CADM2: variants seen among roughly 807,000 people sequenced by gnomAD.
The protein encoded by CADM2 is immunoglobulin superfamily member 4D.
Under a neutral mutation model 49.8 loss-of-function variants are expected in CADM2, and 12 were observed. The observed-to-expected ratio is 0.24, with a 90% CI of 0.15 to 0.39. The LOEUF (loss-of-function observed/expected upper bound fraction) is 0.39. CADM2 is among the 10% of genes least tolerant of loss of function. The pLI, the probability that CADM2 is intolerant of heterozygous loss-of-function variation, is 1.00. For missense variants in CADM2, 378 were observed against 492.3 expected (o/e 0.77, Z 2.20); for synonymous variants, 214 against 175.4 (o/e 1.22, Z -1.74).
At chr3:85,060,571 TTTTTATACAAATCATTA>T (rs1559640222) in intron 1 of CADM2, among the ~76,000 whole-genome samples, 2 of 152,232 alleles carry the variant, frequency 1.3e-5, no homozygotes, top group African/African-American at 4.8e-5. Flanking sequence ...GCTTTAAGTA[TTTTTATACAAATCATTA>T]ATTGAAAATG....
At chr3:85,399,598 C>T (rs1174524541) in intron 1 of CADM2, among the ~76,000 whole-genome samples, 1 of 152,186 alleles carries the variant, frequency 6.6e-6, no homozygotes, top group African/African-American at 2.4e-5. Context: ...TTGATTCTTC[C>T]TATCCATGAG....
At chr3:85,165,469 A>C (rs796083360) in intron 1 of CADM2, among the ~76,000 whole-genome samples, 14 of 152,058 alleles carry the variant, frequency 9.2e-5, no homozygotes, top group African/African-American at 3.4e-4. Context: ...TCACTTAAAA[A>C]ATGTACAAGA....
chr3:85,945,304 A>G (rs569214781), intron 7 of CADM2, among the ~76,000 whole-genome samples: 1 of 152,244 alleles, frequency 6.6e-6, no homozygotes, highest in African/African-American at 2.4e-5. Context: ...CCAACAAAAA[A>G]AAGTCCCAGA....
chr3:85,195,381 A>G (rs2107733607), intron 1 of CADM2, among the ~76,000 whole-genome samples: 1 of 152,224 alleles, frequency 6.6e-6, no homozygotes, highest in Admixed American at 6.6e-5. Flanking sequence ...GTTTTAAGGA[A>G]TGCCAGAGGC....
At chr3:85,656,457 A>G (rs1293917743) in intron 1 of CADM2, among the ~76,000 whole-genome samples, 11 of 151,986 alleles carry the variant, frequency 7.2e-5, no homozygotes, top group Non-Finnish European at 1.6e-4. Context: ...TCTACTAAAT[A>G]TACAAAAGAT....
chr3:85,189,063 A>AAATG (rs952861605), intron 1 of CADM2, among the ~76,000 whole-genome samples: 2 of 27,222 alleles, frequency 7.3e-5, no homozygotes, highest in African/African-American at 1.9e-4. Context: ...TAAATAAATA[A>AAATG]AATAAATAAA....
intron 1 of CADM2, among the ~76,000 whole-genome samples, chr3:85,711,633 T>C (rs2067121968): frequency 6.6e-6 from 1 of 152,156 alleles, no homozygotes; most frequent in Non-Finnish European, 1.5e-5. Flanking sequence ...TGAAAACATC[T>C]TTCCTTCAAG....
At chr3:85,731,052 G>A (rs1020152665) in intron 2 of CADM2, among the ~76,000 whole-genome samples, 11 of 152,014 alleles carry the variant, frequency 7.2e-5, no homozygotes, top group Non-Finnish European at 1.0e-4. Context: ...ATTTCAATTT[G>A]CTGAGTTTGT....
intron 3 of CADM2, among the ~76,000 whole-genome samples, chr3:85,841,548 A>G (rs192052192): frequency 6.6e-6 from 1 of 152,110 alleles, no homozygotes; most frequent in East Asian, 1.9e-4. Flanking sequence ...CTTGTCCTGA[A>G]GTACTTGTTT....
chr3:85,649,427 A>G (rs62261676), intron 1 of CADM2, among the ~76,000 whole-genome samples: 23,977 of 152,118 alleles, frequency 0.16, 2,382 homozygotes, highest in East Asian at 0.34. Context: ...TTTTATCTTA[A>G]ATTCTGTTTC....
chr3:85,291,874 C>G (rs1390891077), intron 1 of CADM2, among the ~76,000 whole-genome samples: 1 of 150,326 alleles, frequency 6.7e-6, no homozygotes, highest in African/African-American at 2.5e-5. Flanking sequence ...GAAGAAACTG[C>G]ATCAACTAAC....
At chr3:85,204,573 A>G (rs1200158357) in intron 1 of CADM2, among the ~76,000 whole-genome samples, 1 of 152,168 alleles carries the variant, frequency 6.6e-6, no homozygotes, top group Non-Finnish European at 1.5e-5. Flanking sequence ...ATGACACTAT[A>G]ATGTAATATT....
intron 5 of CADM2, among the ~76,000 whole-genome samples, chr3:85,892,345 A>AGT (rs1714560467): frequency 6.6e-6 from 1 of 152,198 alleles, no homozygotes; most frequent in Non-Finnish European, 1.5e-5. Flanking sequence ...AGGCAGTAGG[A>AGT]GAAATTAATT....
chr3:85,003,583 T>A (rs2107224477), intron 1 of CADM2, among the ~76,000 whole-genome samples: 1 of 152,236 alleles, frequency 6.6e-6, no homozygotes, highest in Non-Finnish European at 1.5e-5. Flanking sequence ...ATTACCAATC[T>A]GTTACAAATA....
chr3:85,327,733 A>G (rs2044795856), intron 1 of CADM2, among the ~76,000 whole-genome samples: 1 of 152,100 alleles, frequency 6.6e-6, no homozygotes, highest in African/African-American at 2.4e-5. Flanking sequence ...TTGACAATAT[A>G]TTGCAAGTCT....
chr3:85,920,571 T>G (rs1408461407), intron 6 of CADM2, among the ~76,000 whole-genome samples: 3 of 151,760 alleles, frequency 2.0e-5, no homozygotes, highest in Non-Finnish European at 4.4e-5. Context: ...AATTTTTAAT[T>G]TTTTTCAGAG....
intron 3 of CADM2, among the ~76,000 whole-genome samples, chr3:85,850,446 T>A (rs2075060378): frequency 6.8e-6 from 1 of 146,906 alleles, no homozygotes; most frequent in African/African-American, 2.5e-5. Context: ...TGCCTCAGCC[T>A]CCTGAGTAGG....
chr3:85,002,040 A>T (rs919472287), intron 1 of CADM2, among the ~76,000 whole-genome samples: 4 of 152,098 alleles, frequency 2.6e-5, no homozygotes, highest in Non-Finnish European at 5.9e-5. Context: ...ATATTTAAAA[A>T]TTTTTATTCT....
At chr3:85,761,763 G>GT (rs1380907398) in intron 2 of CADM2, among the ~76,000 whole-genome samples, 12 of 152,160 alleles carry the variant, frequency 7.9e-5, no homozygotes, top group African/African-American at 2.7e-4. Flanking sequence ...TCATTCTTGT[G>GT]TGTTTGTTAG....
Sources: gnomAD v4.1 joint callset for allele counts (sites outside exome capture counted in the v4.1 genomes callset) on GRCh38, gnomAD v4.1.1 for gene constraint, MANE v1.5 for transcripts, NCBI Gene and HGNC (gene_info 2026-07-23, HGNC 2026-07-21) for gene names.